The following SORBS2 variants were observed in gnomAD, a reference collection of about 807,000 sequenced individuals.
SORBS2 encodes sorbin and SH3 domain-containing protein 2.
Under a neutral mutation model 97.7 loss-of-function variants are expected in SORBS2, and 46 were observed. The ratio of observed to expected loss-of-function variants is 0.47; its 90% CI spans 0.37 to 0.60. The LOEUF is 0.60. SORBS2 is among the 20% of genes least tolerant of loss of function. The pLI is 0.00. For synonymous variants in SORBS2, 476 were observed against 473.4 expected, an observed-to-expected ratio of 1.01 and a Z score of -0.07; for missense variants, 1,316 against 1,282.3, an observed-to-expected ratio of 1.03 and a Z score of -0.40.
intron 1 of SORBS2, among the ~76,000 whole-genome samples, chr4:185,897,663 TC>T (rs1561279344): frequency 6.6e-6 from 1 of 152,120 alleles, no homozygotes; most frequent in Non-Finnish European, 1.5e-5. Flanking sequence ...ACAGGTATGC[TC>T]CACAGCCTAC....
intron 2 of SORBS2, among the ~76,000 whole-genome samples, chr4:185,694,388 T>C (rs1284893138): frequency 6.6e-6 from 1 of 152,174 alleles, no homozygotes; most frequent in African/African-American, 2.4e-5. Context: ...GGAGACTACC[T>C]TGAGCCTTAG....
chr4:185,724,350 A>T (rs1488938299), intron 2 of SORBS2, among the ~76,000 whole-genome samples: 2 of 151,960 alleles, frequency 1.3e-5, no homozygotes, highest in Non-Finnish European at 2.9e-5. Flanking sequence ...AAAAAGACAA[A>T]AGGATGAGCA....
chr4:185,721,064 C>G (rs1332306084), intron 2 of SORBS2, among the ~76,000 whole-genome samples: 3 of 145,098 alleles, frequency 2.1e-5, no homozygotes, highest in Non-Finnish European at 4.5e-5. Context: ...CACTTCCTAA[C>G]TCCTGCTTTC....
At chr4:185,652,031 C>T (rs908658021) in intron 2 of SORBS2, among the ~76,000 whole-genome samples, 3 of 151,940 alleles carry the variant, frequency 2.0e-5, no homozygotes, top group Non-Finnish European at 4.4e-5. Flanking sequence ...CAGTGGTGAT[C>T]ATTGCTTACT....
intron 1 of SORBS2, among the ~76,000 whole-genome samples, chr4:185,791,438 C>T (rs1048601113): frequency 6.6e-6 from 1 of 151,868 alleles, no homozygotes; most frequent in Non-Finnish European, 1.5e-5. Context: ...ACAGTGCCTG[C>T]CCCATAGAAA....
intron 1 of SORBS2, among the ~76,000 whole-genome samples, chr4:185,855,728 C>T (rs1019050692): frequency 6.6e-6 from 1 of 152,164 alleles, no homozygotes; most frequent in Admixed American, 6.5e-5. Context: ...GGACTCCCAC[C>T]AAATCCATCA....
intron 13 of SORBS2, 139 bp from the exon 26 acceptor site, chr4:185,589,924 G>GT: frequency 1.6e-6 from 1 of 612,674 alleles, no homozygotes. Flanking sequence ...TGGTAAGCAT[G>GT]TAAATAGCAT....
intron 2 of SORBS2, among the ~76,000 whole-genome samples, chr4:185,732,727 GT>G (rs2098651529): frequency 6.6e-6 from 1 of 152,198 alleles, no homozygotes; most frequent in South Asian, 2.1e-4. Flanking sequence ...CGGGCAAGTG[GT>G]GTTCCCCAAA....
Position 185,646,518 on chromosome 4 carries a change from T to C in SORBS2, c.396+150A>G, listed in dbSNP as rs1440240913. On this transcript the variant is annotated intron_variant, in intron 4 of 14. Coordinates refer to ENST00000418609, the Ensembl canonical transcript of SORBS2. ...GAACATGTATCTTTCAATTCTGAGA[T>C]GAGATGTACAAATCATTATACAAAA... is the stretch of plus-strand genomic sequence containing the variant. 1.0e-5 allele frequency: 6 copies of C among 576,858 alleles called. No individual in the cohort carries two copies. The Admixed American group carries it at 1.8e-4, about 18-fold the overall frequency. 35.7% of individuals were successfully genotyped at this position (576,858 alleles called of 1,614,324 possible).
intron 4 of SORBS2, 81 bp from the exon 17 acceptor site, chr4:185,630,679 C>T: frequency 1.4e-6 from 1 of 727,106 alleles, no homozygotes; most frequent in Non-Finnish European, 2.4e-6. Context: ...AATTAGGTAT[C>T]CTAAAAAGAA....
chr4:185,826,332 G>T (rs1277761976), intron 1 of SORBS2, among the ~76,000 whole-genome samples: 1 of 152,090 alleles, frequency 6.6e-6, no homozygotes, highest in Admixed American at 6.5e-5. Flanking sequence ...TATGCTCATC[G>T]ACCACTACTA....
chr4:185,697,574 G>A (rs1027327197), intron 2 of SORBS2, among the ~76,000 whole-genome samples: 4 of 152,214 alleles, frequency 2.6e-5, no homozygotes, highest in Non-Finnish European at 5.9e-5. Flanking sequence ...CTAAGGGAAA[G>A]TGACACTATA....
rs1228463050 is a variant in SORBS2, at chr4:185,636,648, A to ATTTT, written c.397-6054_397-6051dup. 2.5e-3 allele frequency among the ~76,000 whole-genome samples: 331 copies of ATTTT among 133,992 alleles called. 4 individuals are homozygous for ATTTT. The highest frequency in any genetic ancestry group is 8.3e-3 in the Middle Eastern group (2 of 242). The allele number at this position is 133,992 out of a possible 152,430, so 87.9% of individuals were successfully genotyped here. ...TTGTTAACTGAACCTCCAGTTGACT[A>ATTTT]TTTTTTTTTTTTTTTTTTGAGATGG... On this transcript the variant is annotated intron_variant, in intron 4 of 14. Coordinates refer to ENST00000418609, the Ensembl canonical transcript of SORBS2.
chr4:185,636,621 A>C (rs1007740755), intron 4 of SORBS2, among the ~76,000 whole-genome samples: 2 of 151,744 alleles, frequency 1.3e-5, no homozygotes, highest in African/African-American at 4.8e-5. Flanking sequence ...TAATCAGGGA[A>C]GTTGTTAACT....
chr4:185,648,316 A>G (rs2097251386), intron 3 of SORBS2, among the ~76,000 whole-genome samples: 2 of 151,890 alleles, frequency 1.3e-5, no homozygotes, highest in South Asian at 4.2e-4. Flanking sequence ...AGGAGTTAAG[A>G]CCATCCTGGC....
chr4:185,649,412 A>T, intron 3 of SORBS2, 55 bp downstream of exon 12: 1 of 1,406,076 alleles, frequency 7.1e-7, no homozygotes, highest in Non-Finnish European at 9.5e-7. Context: ...AATGCCATGT[A>T]GACTTATTTT....
rs946661329 is a variant in SORBS2 at position 185,855,396 on chromosome 4, T to C, written c.-337-80030A>G. The stretch of plus-strand genomic sequence containing the variant: ...CACTTAATGTATCAATGTTTATGAG[T>C]GTACCTCAGAACAGCACATAGCAGA... On this transcript the variant is annotated intron_variant, in intron 1 of 20. Transcript: ENST00000284776. Among the ~76,000 whole-genome samples, 19 of 152,254 alleles carry C rather than the reference T, an allele frequency of 1.2e-4. 1 individual carries two copies. Among genetic ancestry groups the C allele is most frequent in the Admixed American group, 5.2e-4 (8 of 15,298 alleles).
intron 1 of SORBS2, among the ~76,000 whole-genome samples, chr4:185,938,307 T>C (rs1370368753): frequency 6.6e-6 from 1 of 151,868 alleles, no homozygotes; most frequent in African/African-American, 2.4e-5. Flanking sequence ...CAAGAAATTA[T>C]TCTTAACATT....
intron 2 of SORBS2, among the ~76,000 whole-genome samples, chr4:185,745,734 C>T (rs895399331): frequency 2.0e-5 from 3 of 152,102 alleles, no homozygotes; most frequent in Admixed American, 1.3e-4. Context: ...TTTTCTTCAA[C>T]GGATATATTT....
Sources: gnomAD v4.1 joint callset for allele counts (sites outside exome capture counted in the v4.1 genomes callset) on GRCh38, gnomAD v4.1.1 for gene constraint, MANE v1.5 for transcripts, NCBI Gene and HGNC (gene_info 2026-07-23, HGNC 2026-07-21) for gene names.